Variants in MYO10 observed in about 807,000 individuals in gnomAD.
The protein encoded by MYO10 is unconventional myosin-X.
In MYO10, 133 loss-of-function variants were observed where a neutral mutation model predicts 257.3. The ratio of observed to expected loss-of-function variants is 0.52; its 90% CI spans 0.45 to 0.60. MYO10 has a LOEUF of 0.60. Among genes scored for constraint, MYO10 ranks in the 20% least tolerant of loss-of-function variants. MYO10 has a pLI of 0.00. For missense variants in MYO10, 2,399 were observed against 2,635.7 expected (o/e 0.91, Z 1.97); for synonymous variants, 1,104 against 1,028.6 (o/e 1.07, Z -1.40).
chr5:16,685,703 A>AACCCCCCC, intron 29 of MYO10, 35 bp downstream of exon 29: 2 of 1,266,238 alleles, frequency 1.6e-6, no homozygotes, highest in Non-Finnish European at 2.2e-6. Context: ...CTGCCCCTAG[A>AACCCCCCC]CGCCCCACCC....
At chr5:16,827,976 T>G (rs1743050471) in intron 2 of MYO10, among the ~76,000 whole-genome samples, 1 of 152,152 alleles carries the variant, frequency 6.6e-6, no homozygotes. Context: ...TGGGGAAGCA[T>G]GCGTGGTAGA....
chr5:16,711,091 GA>G lies in MYO10; in HGVS notation c.2054+29del, dbSNP rs776119868. On this transcript the variant is annotated intron_variant, in intron 20 of 40. Transcript: ENST00000513610. ...CTGTTTTCTCCAACCCCTTTGAAAA[GA>G]AAGAGAATCCAATTCAGCTCCCTCT... 1.9e-6 allele frequency: 3 copies of G among 1,613,064 alleles called. No homozygotes were observed. The African/African-American group carries it at 4.0e-5, about 22-fold the overall frequency.
chr5:16,768,099 G>C lies in MYO10; in HGVS notation c.1060+975C>G, dbSNP rs563278340. On this transcript the variant is annotated intron_variant, in intron 10 of 40. Transcript: ENST00000513610. ...GTGCTGGGTAGAACCAGACATTTGA[G>C]AATTACTGGCCTACAGTTCTGGTCT... 2.6e-5 allele frequency among the ~76,000 whole-genome samples: 4 copies of C among 152,228 alleles called. No individual in the cohort carries two copies. The East Asian group carries it at 7.7e-4, about 29-fold the overall frequency.
chr5:16,912,682 G>C (rs544321868), intron 1 of MYO10, among the ~76,000 whole-genome samples: 1 of 151,996 alleles, frequency 6.6e-6, no homozygotes, highest in African/African-American at 2.4e-5. Flanking sequence ...CCTTAATTCT[G>C]ACCAAATGGC....
chr5:16,662,358 C>G lies in MYO10; in HGVS notation c.*4334G>C, dbSNP rs1736016619. ...TTTTTTTTGGAGACAGAGTCTTGCT[C>G]TGTCACCCACACCAGAATGCAGTGG... On this transcript the variant is annotated 3_prime_UTR_variant, in exon 41 of 41. Transcript: ENST00000513610. 1 of 89,198 alleles carries G rather than the reference C, an allele frequency of 1.1e-5. No individual in the cohort carries two copies. Among genetic ancestry groups the G allele is most frequent in the African/African-American group, 4.0e-5 (1 of 25,112 alleles). 5.5% of individuals were successfully genotyped at this position (89,198 alleles called of 1,614,324 possible). A position where few individuals can be genotyped will look rare whatever the true frequency, so the allele number is the denominator to read the frequency against.
chr5:16,908,998 G>A (rs991873108), intron 1 of MYO10, among the ~76,000 whole-genome samples: 1 of 152,194 alleles, frequency 6.6e-6, no homozygotes, highest in Admixed American at 6.5e-5. Context: ...TGCTGAACAG[G>A]TGCTATGTCT....
chr5:16,888,944 G>A (rs1744966370), intron 1 of MYO10, among the ~76,000 whole-genome samples: 1 of 152,044 alleles, frequency 6.6e-6, no homozygotes, highest in African/African-American at 2.4e-5. Context: ...AGGCTGAGGT[G>A]GGAGGATCGT....
At chr5:16,679,745 G>C (rs895871457) in intron 33 of MYO10, among the ~76,000 whole-genome samples, 5 of 151,960 alleles carry the variant, frequency 3.3e-5, no homozygotes, top group South Asian at 2.1e-4. Flanking sequence ...GGTTGGTCTT[G>C]AACTCCTGAC....
At chr5:16,915,606 C>A (rs958198305) in intron 1 of MYO10, among the ~76,000 whole-genome samples, 1 of 152,180 alleles carries the variant, frequency 6.6e-6, no homozygotes, top group Non-Finnish European at 1.5e-5. Context: ...GGTGAAGGCA[C>A]GCTGAATTCC....
chr5:16,812,390 C>T (rs1485933448), intron 3 of MYO10, among the ~76,000 whole-genome samples: 3 of 152,184 alleles, frequency 2.0e-5, no homozygotes, highest in Admixed American at 6.5e-5. Context: ...AAACTCGGTA[C>T]GGCCTCTGTC....
chr5:16,772,379 C>T (rs1198575291), intron 9 of MYO10, among the ~76,000 whole-genome samples: 1 of 152,164 alleles, frequency 6.6e-6, no homozygotes, highest in Non-Finnish European at 1.5e-5. Flanking sequence ...GTGATCCACC[C>T]GCCTTGGCCT....
Position 16,671,047 on chromosome 5 carries a change from C to T in MYO10, c.5431-69G>A, listed in dbSNP as rs1040851182. 15 of 1,362,362 alleles carry T rather than the reference C, an allele frequency of 1.1e-5. No individual in the cohort carries two copies. In the African/African-American group the frequency reaches 1.6e-4, roughly 15 times the overall value. 84.4% of individuals were successfully genotyped at this position (1,362,362 alleles called of 1,614,324 possible). The stretch of plus-strand genomic sequence containing the variant: ...TGCCATGGGATGCCCACGTCGCTTG[C>T]TCCCTCACTTCATGAGGGTTTCTCT... On this transcript the variant is annotated intron_variant, in intron 38 of 40. Coordinates refer to ENST00000513610, the MANE Select transcript of MYO10 (RefSeq NM_012334.3).
At chr5:16,766,431 A>G (rs1446861223) in intron 10 of MYO10, among the ~76,000 whole-genome samples, 1 of 152,132 alleles carries the variant, frequency 6.6e-6, no homozygotes, top group Non-Finnish European at 1.5e-5. Flanking sequence ...ATCCTGTCAG[A>G]GATTTGCAAC....
intron 2 of MYO10, among the ~76,000 whole-genome samples, chr5:16,847,595 T>C (rs1743674347): frequency 6.6e-6 from 1 of 152,076 alleles, no homozygotes; most frequent in African/African-American, 2.4e-5. Flanking sequence ...CCAGGCATGG[T>C]GGTGCACAAC....
At chr5:16,739,236 T>C (rs1386649733) in intron 19 of MYO10, among the ~76,000 whole-genome samples, 1 of 151,220 alleles carries the variant, frequency 6.6e-6, no homozygotes, top group Non-Finnish European at 1.5e-5. Flanking sequence ...CATTCAATCC[T>C]CACACTAGCA....
rs1264353880 is a variant in MYO10 at position 16,935,797 on chromosome 5, G to T, written c.12C>A (p.Phe4Leu). Reference protein sequence around the residue: MDNFFTEGTRVWLR... With the variant: MDNLFTEGTRVWLR... Reference sequence around the variant, plus strand: ...CTGGGAGCGCACTTACCTCGGTGAAGAAGTTATCCATTGTTCCAGCGCAGT... The same window carrying T: ...CTGGGAGCGCACTTACCTCGGTGAATAAGTTATCCATTGTTCCAGCGCAGT... The change falls in exon 1 of 41, where the codon TTC (phenylalanine) becomes TTA (leucine). Residue 4 changes from phenylalanine (F) to leucine (L), a missense_variant. Transcript: ENST00000513610. 1.9e-6 allele frequency: 3 copies of T among 1,613,326 alleles called. No homozygotes were observed. Among genetic ancestry groups the T allele is most frequent in the East Asian group, 2.2e-5 (1 of 44,830 alleles).
At chr5:16,918,980 A>C (rs1273216470) in intron 1 of MYO10, among the ~76,000 whole-genome samples, 2 of 152,166 alleles carry the variant, frequency 1.3e-5, no homozygotes, top group Non-Finnish European at 2.9e-5. Flanking sequence ...AAATCAGCTA[A>C]TTCCTTTTGG....
At chr5:16,919,848 C>G (rs941293502) in intron 1 of MYO10, among the ~76,000 whole-genome samples, 2 of 152,130 alleles carry the variant, frequency 1.3e-5, no homozygotes, top group African/African-American at 4.8e-5. Flanking sequence ...TGTGGTGGCT[C>G]ACACCTGTAA....
intron 2 of MYO10, among the ~76,000 whole-genome samples, chr5:16,826,752 G>A (rs574741631): frequency 4.6e-4 from 70 of 152,294 alleles, no homozygotes; most frequent in African/African-American, 1.5e-3. Context: ...GGAATTCCAC[G>A]TTGTTTCTGG....
Sources: gnomAD v4.1 joint callset for allele counts (sites outside exome capture counted in the v4.1 genomes callset) on GRCh38, gnomAD v4.1.1 for gene constraint, MANE v1.5 for transcripts, NCBI Gene and HGNC (gene_info 2026-07-23, HGNC 2026-07-21) for gene names.